The following MGAT1 variants were observed in gnomAD, a reference collection of about 807,000 sequenced individuals.
MGAT1 encodes the protein alpha-1,3-mannosyl-glycoprotein 2-beta-N-acetylglucosaminyltransferase.
MGAT1 carries 14 observed loss-of-function variants against 31.7 expected under a neutral mutation model. That is an observed-to-expected ratio of 0.44 (90% confidence interval 0.29 to 0.69). The LOEUF (loss-of-function observed/expected upper bound fraction) is 0.69, where lower values mean the gene tolerates loss of function less well. MGAT1 is among the 30% of genes least tolerant of loss of function. The pLI, the probability that MGAT1 is intolerant of heterozygous loss-of-function variation, is 0.12. For synonymous variants in MGAT1, 338 were observed against 276.0 expected, an observed-to-expected ratio of 1.22 and a Z score of -2.23; for missense variants, 557 against 626.0, an observed-to-expected ratio of 0.89 and a Z score of 1.18.
At position 180,791,700 on chromosome 5, in the gene MGAT1, G is replaced by A. The variant is rs781534388; in HGVS notation, c.1272C>T (p.Phe424=). 1 of 1,613,910 alleles carries A rather than the reference G, an allele frequency of 6.2e-7. No homozygotes were observed. Among genetic ancestry groups the A allele is most frequent in the African/African-American group, 1.3e-5 (1 of 75,044 alleles). Reference sequence around the variant, plus strand: ...GCGCCAGGTGGACACGGCGGCCCCGGAACTGGAAGGTGACAATACCCCGGT... The same window carrying A: ...GCGCCAGGTGGACACGGCGGCCCCGAAACTGGAAGGTGACAATACCCCGGT... ...AGYRGIVTFQ[F]RGRRVHLAPP... Residue 424 remains phenylalanine (F), a synonymous_variant, in exon 2 of 2, where the codon TTC becomes TTT. Coordinates refer to ENST00000307826, the MANE Select transcript of MGAT1 (RefSeq NM_002406.4).
Position 180,792,665 on chromosome 5 carries a change from G to A in MGAT1, c.307C>T (p.Pro103Ser). Reference protein sequence around the residue: ...AQPRVPVTPAPAVIPILVIAC... With the variant: ...AQPRVPVTPASAVIPILVIAC... Reference sequence around the variant, plus strand: ...ATGACCAGGATGGGAATCACCGCCGGCGCGGGGGTCACAGGCACACGCGGC... The same window carrying A: ...ATGACCAGGATGGGAATCACCGCCGACGCGGGGGTCACAGGCACACGCGGC... Residue 103 changes from proline to serine, a missense_variant, in exon 2 of 2, where the codon CCG (proline) becomes TCG (serine). Pro to Ser is a moderately conservative substitution (Grantham distance 74). Transcript: ENST00000307826. The A allele has an allele frequency of 4.4e-6, 7 of 1,577,358 alleles. No individual in the cohort carries two copies. Among genetic ancestry groups the A allele is most frequent in the Non-Finnish European group, 5.2e-6 (6 of 1,161,156 alleles).
At position 180,792,379 on chromosome 5, in the gene MGAT1, C is replaced by A. The variant is rs999546948; in HGVS notation, c.593G>T (p.Arg198Leu). 6.2e-7 allele frequency: 1 copy of A among 1,610,870 alleles called. No homozygotes were observed. The highest frequency in any genetic ancestry group is 2.2e-5 in the East Asian group (1 of 44,814). Residue 198 changes from arginine (R) to leucine (L), a missense_variant, in exon 2 of 2, where the codon CGG becomes CTG. This residue lies in a region of MGAT1 where 245 missense variants were observed against 332.9 expected (regional missense o/e 0.74). Transcript: ENST00000307826. ...HYRWALGQVF[R>L]QFRFPAAVVV... ...CACGGCCGCGGGGAAGCGAAACTGC[C>A]GGAAGACCTGGCCCAGCGCCCAGCG...
Position 180,792,850 on chromosome 5 carries a change from C to T in MGAT1, c.122G>A (p.Ser41Asn), listed in dbSNP as rs1413043587. Residue 41 changes from serine to asparagine, a missense_variant, in exon 2 of 2, where the codon AGC becomes AAC. Transcript: ENST00000307826. The stretch of plus-strand genomic sequence containing the variant: ...GCTGGCGGGGTCGCCATCGAGAGCG[C>T]TGACTGAGGGTGGCCTGCCAGGTGC... ...RPAPGRPPSV[S>N]ALDGDPASLT... is the part of the protein sequence containing the mutation. 8.9e-6 allele frequency: 14 copies of T among 1,570,944 alleles called. No homozygotes were observed. The highest frequency in any genetic ancestry group is 2.7e-5 in the African/African-American group (2 of 74,016).
At position 180,792,558 on chromosome 5, in the gene MGAT1, G is replaced by T. The variant is rs375561764; in HGVS notation, c.414C>A (p.Ile138=). The change falls in exon 2 of 2, where the codon ATC becomes ATA. Residue 138 remains isoleucine (I), a synonymous_variant. Transcript: ENST00000307826. Reference sequence around the variant, plus strand: ...CCTCGTGCCCGCAGTCCTGGCTAACGATGATGGGGAAGAGCTCAGCCGAGG... The same window carrying T: ...CCTCGTGCCCGCAGTCCTGGCTAACTATGATGGGGAAGAGCTCAGCCGAGG... ...YRPSAELFPI[I]VSQDCGHEET... 2.5e-6 allele frequency: 4 copies of T among 1,612,574 alleles called. No individual in the cohort carries two copies. Among genetic ancestry groups the T allele is most frequent in the African/African-American group, 1.3e-5 (1 of 74,896 alleles).
chr5:180,801,349 A>G (rs1055034459), intron 1 of MGAT1, among the ~76,000 whole-genome samples: 3 of 152,238 alleles, frequency 2.0e-5, no homozygotes, highest in African/African-American at 4.8e-5. Flanking sequence ...TGCTTTGCTT[A>G]AAGTTAAAAA....
At chr5:180,800,207 C>G (rs1770429775) in intron 1 of MGAT1, among the ~76,000 whole-genome samples, 1 of 152,250 alleles carries the variant, frequency 6.6e-6, no homozygotes, top group Admixed American at 6.5e-5. Flanking sequence ...TCCCTGCCCT[C>G]TGTGCTCAGC....
chr5:180,796,141 G>C (rs2113319137), intron 1 of MGAT1, among the ~76,000 whole-genome samples: 1 of 152,066 alleles, frequency 6.6e-6, no homozygotes, highest in Admixed American at 6.5e-5. Flanking sequence ...CCAAAACCTT[G>C]GGCCTCAGAT....
chr5:180,804,297 C>T (rs765479775), upstream of MGAT1, among the ~76,000 whole-genome samples: 43 of 150,746 alleles, frequency 2.9e-4, no homozygotes, highest in Non-Finnish European at 5.0e-4. Context: ...GGTTTTAGAC[C>T]GGGCACTCCT....
intron 1 of MGAT1, among the ~76,000 whole-genome samples, chr5:180,800,241 T>C (rs2113424325): frequency 6.6e-6 from 1 of 152,350 alleles, no homozygotes; most frequent in South Asian, 2.1e-4. Flanking sequence ...ACTGAGGCCC[T>C]GTCTCCACTC....
exon 1 of MGAT1, chr5:180,815,440 T>C (rs1215642447): frequency 6.6e-6 from 1 of 152,562 alleles, no homozygotes; most frequent in African/African-American, 2.4e-5. Flanking sequence ...CAAAGTGAAA[T>C]TTGCAGTGCT....
At chr5:180,794,199 G>A (rs574906215) in intron 1 of MGAT1, among the ~76,000 whole-genome samples, 109 of 149,688 alleles carry the variant, frequency 7.3e-4, no homozygotes, top group African/African-American at 2.7e-3. Context: ...GGCAGCACAC[G>A]GAGACCCTGT....
intron 1 of MGAT1, chr5:180,795,765 G>A (rs1165818539): frequency 6.6e-6 from 1 of 152,148 alleles, no homozygotes; most frequent in Non-Finnish European, 1.5e-5. Flanking sequence ...TCATCCATCA[G>A]CGTAATCCCA....
chr5:180,802,872 G>GGCGGA (rs1184590473), upstream of MGAT1: 7 of 150,320 alleles, frequency 4.7e-5, no homozygotes, highest in Admixed American at 1.3e-4. Context: ...GGCGGGGCGG[G>GGCGGA]GCGGACTGAG....
chr5:180,796,933 T>C (rs549645079), intron 1 of MGAT1, among the ~76,000 whole-genome samples: 1 of 152,256 alleles, frequency 6.6e-6, no homozygotes, highest in African/African-American at 2.4e-5. Flanking sequence ...TCTTCTTCGC[T>C]CTCCCCTCAG....
At chr5:180,793,385 G>A (rs1768656888) in intron 1 of MGAT1, among the ~76,000 whole-genome samples, 1 of 152,116 alleles carries the variant, frequency 6.6e-6, no homozygotes, top group Non-Finnish European at 1.5e-5. Context: ...AGGAGGGGAG[G>A]GGCAAGGAGT....
upstream of MGAT1, among the ~76,000 whole-genome samples, chr5:180,807,624 C>T (rs1411325111): frequency 6.6e-6 from 1 of 152,190 alleles, no homozygotes; most frequent in Non-Finnish European, 1.5e-5. Context: ...TCCTTCCACC[C>T]CCTCTTTAAT....
chr5:180,799,195 C>T (rs1485771259), intron 1 of MGAT1, among the ~76,000 whole-genome samples: 1 of 152,210 alleles, frequency 6.6e-6, no homozygotes, highest in Non-Finnish European at 1.5e-5. Context: ...ATTATGATGA[C>T]ATCCAAAGCC....
chr5:180,813,122 C>T (rs1036648519), intron 1 of MGAT1, among the ~76,000 whole-genome samples: 35 of 151,128 alleles, frequency 2.3e-4, no homozygotes, highest in Admixed American at 9.9e-4. Context: ...TCTGGGAACT[C>T]GTGTCGAAAG....
chr5:180,807,115 G>A (rs1295474114), upstream of MGAT1, among the ~76,000 whole-genome samples: 2 of 152,170 alleles, frequency 1.3e-5, no homozygotes, highest in East Asian at 3.8e-4. Context: ...CTGGGGAAGG[G>A]GATGGAAGAA....
Sources: allele counts gnomAD v4.1 joint callset (sites outside exome capture counted in the v4.1 genomes callset), GRCh38; gene constraint gnomAD v4.1.1; regional missense constraint gnomAD v4.1.1; transcripts MANE v1.5; gene names NCBI Gene and HGNC (gene_info 2026-07-23, HGNC 2026-07-21).